Variants in CSF2RA observed in about 807,000 individuals in gnomAD.
CSF2RA encodes granulocyte-macrophage colony-stimulating factor receptor subunit alpha.
CSF2RA carries 42 observed loss-of-function variants against 51.6 expected under a neutral mutation model. The observed-to-expected ratio is 0.81, with a 90% CI of 0.64 to 1.05. The LOEUF (loss-of-function observed/expected upper bound fraction) is 1.05, where lower values mean the gene tolerates loss of function less well. Among genes scored for constraint, CSF2RA ranks in the 50% least tolerant of loss-of-function variants. CSF2RA has a pLI of 0.00. For missense variants in CSF2RA, 530 were observed against 501.1 expected (o/e 1.06, Z -0.55); for synonymous variants, 222 against 193.0 (o/e 1.15, Z -1.24).
intron 4 of CSF2RA, among the ~76,000 whole-genome samples, chrX:1,288,140 GA>G (rs1162762602): frequency 7.2e-5 from 11 of 151,890 alleles, no homozygotes; most frequent in Admixed American, 1.3e-4. Context: ...AGCTTAGGGG[GA>G]TGATTTCACA....
chrX:1,324,964 G>T, the CSF2RA span, among the ~76,000 whole-genome samples: 1 of 152,026 alleles, frequency 6.6e-6, no homozygotes, highest in Admixed American at 6.6e-5. Flanking sequence ...CCTCCCTCAG[G>T]TCACAACTCA....
rs2083811658 is a variant in CSF2RA at position 1,307,844 on chromosome X, TTGAC to T, written c.1126-1554_1126-1551del. ...GGCCTACCCTTCTCCCTTTAGACCT[TTGAC>T]TGATTAGATGAGGCCTACCCTTCTC... On this transcript the variant is annotated intron_variant, in intron 12 of 12. Coordinates refer to ENST00000381529, the MANE Select transcript of CSF2RA (RefSeq NM_172245.4). Among the ~76,000 whole-genome samples, 6 of 140,894 alleles carry T rather than the reference TTGAC, an allele frequency of 4.3e-5. No individual in the cohort carries two copies. The Middle Eastern group carries it at 0.015, about 343-fold the overall frequency. The allele number at this position is 140,894 out of a possible 152,430, so 92.4% of individuals were successfully genotyped here.
chrX:1,282,584 G>T, intron 2 of CSF2RA, 94 bp from the exon 3 acceptor site: 1 of 894,770 alleles, frequency 1.1e-6, no homozygotes, highest in Non-Finnish European at 1.9e-6. Context: ...CACCATCCTG[G>T]GTTTGTTTCC....
chrX:1,289,560 G>A (rs1487728915), intron 6 of CSF2RA, among the ~76,000 whole-genome samples: 1 of 149,896 alleles, frequency 6.7e-6, no homozygotes, highest in Non-Finnish European at 1.5e-5. Flanking sequence ...TGTTTTTTTG[G>A]TTTCACGTTT....
chrX:1,314,647 T>G (rs186344982), downstream of CSF2RA, among the ~76,000 whole-genome samples: 9 of 720 alleles, frequency 0.013, 2 homozygotes, highest in Admixed American at 0.02. Context: ...CAACCCCACT[T>G]CACCTGCCCA....
intron 3 of CSF2RA, 133 bp downstream of exon 3, chrX:1,282,912 C>T: frequency 1.2e-6 from 1 of 823,298 alleles, no homozygotes; most frequent in African/African-American, 1.7e-5. Flanking sequence ...TAAGCACCAG[C>T]CAACCCACCA....
chrX:1,317,769 G>A, the CSF2RA span, among the ~76,000 whole-genome samples: 1 of 151,530 alleles, frequency 6.6e-6, no homozygotes. Context: ...ATTCTAATGG[G>A]GCTTGGATCT....
chrX:1,324,304 G>A, the CSF2RA span, among the ~76,000 whole-genome samples: 1 of 149,238 alleles, frequency 6.7e-6, no homozygotes, highest in Non-Finnish European at 1.5e-5. Context: ...GGCCAGCCTG[G>A]GCCACATAGC....
chrX:1,287,356 G>C (rs1357095152), intron 4 of CSF2RA, among the ~76,000 whole-genome samples: 1 of 150,764 alleles, frequency 6.6e-6, no homozygotes, highest in East Asian at 2.0e-4. Flanking sequence ...GTTTCACCAT[G>C]TTGGCCAGGC....
At chrX:1,286,992 G>C (rs1255009017) in intron 4 of CSF2RA, among the ~76,000 whole-genome samples, 2 of 151,934 alleles carry the variant, frequency 1.3e-5, no homozygotes, top group Non-Finnish European at 2.9e-5. Context: ...GGAGGAGGGA[G>C]AGGAAGAGAG....
chrX:1,314,539 G>T (rs765395618), downstream of CSF2RA, among the ~76,000 whole-genome samples: 3 of 112,548 alleles, frequency 2.7e-5, no homozygotes, highest in Non-Finnish European at 5.3e-5. Flanking sequence ...CACTGCACCT[G>T]CCCAATCCCA....
chrX:1,290,573 G>A, intron 7 of CSF2RA, 64 bp downstream of exon 7: 1 of 1,542,770 alleles, frequency 6.5e-7, no homozygotes, highest in East Asian at 2.2e-5. Flanking sequence ...CTTAAAATCT[G>A]TGTAACTGAG....
At chrX:1,300,176 G>A (rs1252589878) in intron 9 of CSF2RA, 6 of 264,076 alleles carry the variant, frequency 2.3e-5, no homozygotes, top group African/African-American at 4.5e-5. Context: ...CCAAGATCGC[G>A]CCACTGCACT....
the CSF2RA span, among the ~76,000 whole-genome samples, chrX:1,320,739 C>T: frequency 1.3e-5 from 2 of 150,034 alleles, no homozygotes; most frequent in East Asian, 4.0e-4. Context: ...TCTCGATCCC[C>T]TGACCTTGTG....
intron 2 of CSF2RA, among the ~76,000 whole-genome samples, chrX:1,279,711 C>T (rs1198224995): frequency 2.0e-5 from 3 of 152,034 alleles, no homozygotes; most frequent in Non-Finnish European, 4.4e-5. Context: ...GTGTGGCCTA[C>T]ATGCTTTTAC....
At chrX:1,322,415 T>C in the CSF2RA span, among the ~76,000 whole-genome samples, 85 of 147,722 alleles carry the variant, frequency 5.8e-4, 1 homozygote, top group South Asian at 0.017. Context: ...CCTGGCCCAC[T>C]TACCATCTTA....
At chrX:1,285,425 G>A (rs2090516307) in intron 3 of CSF2RA, among the ~76,000 whole-genome samples, 1 of 151,980 alleles carries the variant, frequency 6.6e-6, no homozygotes, top group African/African-American at 2.4e-5. Context: ...CGGGCACGGT[G>A]GCTCACGCCT....
intron 11 of CSF2RA, 41 bp from the exon 12 acceptor site, chrX:1,305,405 C>T (rs1480701357): frequency 3.7e-6 from 6 of 1,606,724 alleles, no homozygotes; most frequent in Non-Finnish European, 4.3e-6. Flanking sequence ...ACTCTGGTGA[C>T]CCGGGGTTCA....
intron 9 of CSF2RA, among the ~76,000 whole-genome samples, chrX:1,299,127 C>T (rs757364520): frequency 6.6e-6 from 1 of 152,124 alleles, no homozygotes; most frequent in East Asian, 1.9e-4. Context: ...CCTTCGTGTC[C>T]CAATGGTTGG....
Sources: gnomAD v4.1 joint callset for allele counts (sites outside exome capture counted in the v4.1 genomes callset) on GRCh38, gnomAD v4.1.1 for gene constraint, MANE v1.5 for transcripts, NCBI Gene and HGNC (gene_info 2026-07-23, HGNC 2026-07-21) for gene names.